Variants in CCNT2 observed in about 807,000 individuals in gnomAD.
CCNT2 encodes the protein cyclin-T2.
CCNT2 carries 18 observed loss-of-function variants against 70.0 expected under a neutral mutation model. The ratio of observed to expected loss-of-function variants is 0.26; its 90% CI spans 0.18 to 0.38. CCNT2 has a LOEUF of 0.38. Among genes scored for constraint, CCNT2 ranks in the 10% least tolerant of loss-of-function variants. CCNT2 has a pLI of 1.00. For missense variants in CCNT2, 734 were observed against 890.2 expected, an observed-to-expected ratio of 0.82 and a Z score of 2.23; for synonymous variants, 334 against 313.3, an observed-to-expected ratio of 1.07 and a Z score of -0.70.
chr2:134,958,304 A>G lies in CCNT2; in HGVS notation c.*3656A>G, dbSNP rs1240052973. ...TAAATTTAGGATGTCTTTGCTGAGA[A>G]TATTTGGAGGCTCTTGTTAGGAAGA... On this transcript the variant is annotated 3_prime_UTR_variant, in exon 9 of 9. Coordinates refer to ENST00000264157, the MANE Select transcript of CCNT2 (RefSeq NM_058241.3). 6.6e-6 allele frequency: 1 copy of G among 152,186 alleles called. No individual in the cohort carries two copies. The highest frequency in any genetic ancestry group is 1.5e-5 in the Non-Finnish European group (1 of 68,038). 9.4% of individuals were successfully genotyped at this position (152,186 alleles called of 1,614,324 possible). A position where few individuals can be genotyped will look rare whatever the true frequency, so the allele number is the denominator to read the frequency against.
intron 2 of CCNT2, among the ~76,000 whole-genome samples, chr2:134,921,693 C>T (rs762442110): frequency 3.3e-5 from 5 of 152,182 alleles, no homozygotes; most frequent in Non-Finnish European, 7.3e-5. Flanking sequence ...TATAATTTGT[C>T]TTTATGGCGT....
Position 134,947,734 on chromosome 2 carries a change from A to G in CCNT2, c.540-2A>G. 6.8e-7 allele frequency: 1 copy of G among 1,469,416 alleles called. No homozygotes were observed. Among genetic ancestry groups the G allele is most frequent in the South Asian group, 1.5e-5 (1 of 65,738 alleles). The allele number at this position is 1,469,416 out of a possible 1,614,324, so 91.0% of individuals were successfully genotyped here. On this transcript the variant is annotated splice_acceptor_variant, in intron 6 of 8. Coordinates refer to ENST00000264157, the MANE Select transcript of CCNT2 (RefSeq NM_058241.3). LOFTEE classifies it high-confidence loss of function. The stretch of plus-strand genomic sequence containing the variant: ...TCCATTTTCAAACCTGCTCTGCAAC[A>G]GTCTGCATCTTACAACCTTCTGTCT...
At chr2:134,919,103 G>C in intron 1 of CCNT2, 91 bp downstream of exon 1, 1 of 1,413,342 alleles carries the variant, frequency 7.1e-7, no homozygotes, top group South Asian at 1.4e-5. Context: ...CGCCGGCCTC[G>C]GCCTTCGCTG....
At chr2:134,939,752 C>A (rs1300874741) in intron 4 of CCNT2, among the ~76,000 whole-genome samples, 1 of 152,186 alleles carries the variant, frequency 6.6e-6, no homozygotes, top group Non-Finnish European at 1.5e-5. Context: ...AGGTGTGCGT[C>A]ACCACGCCCG....
chr2:134,935,337 C>A (rs1443448483), intron 2 of CCNT2, among the ~76,000 whole-genome samples: 1 of 152,206 alleles, frequency 6.6e-6, no homozygotes, highest in African/African-American at 2.4e-5. Context: ...AGGAAAACTT[C>A]TTAAAGTCAT....
chr2:134,953,474 G>A lies in CCNT2; in HGVS notation c.1019G>A (p.Ser340Asn). 7 of 1,614,130 alleles carry A rather than the reference G, an allele frequency of 4.3e-6. No individual in the cohort carries two copies. Among genetic ancestry groups the A allele is most frequent in the Non-Finnish European group, 5.9e-6 (7 of 1,179,992 alleles). ...TCAATGCTAGCAACAGGAATGCCAA[G>A]TACTTCATACGGTTTATCATCACAC... ...NLSMLATGMP[S>N]TSYGLSSHQE... is the part of the protein sequence containing the mutation. Residue 340 changes from serine (S) to asparagine (N), a missense_variant, in exon 9 of 9, where the codon AGT (serine) becomes AAT (asparagine). Ser to Asn is a conservative substitution (Grantham distance 46, BLOSUM62 1). Around this residue, in one of 3 missense-constraint regions of CCNT2, gnomAD observed 532 missense variants for 556.9 expected, o/e 0.96. Coordinates refer to ENST00000264157, the MANE Select transcript of CCNT2 (RefSeq NM_058241.3).
At chr2:134,949,792 AT>A (rs959098489) in intron 7 of CCNT2, among the ~76,000 whole-genome samples, 14 of 77,472 alleles carry the variant, frequency 1.8e-4, no homozygotes, top group Non-Finnish European at 2.5e-4. Context: ...GGTAGGCAAA[AT>A]TTTTTTTTCG....
intron 2 of CCNT2, among the ~76,000 whole-genome samples, chr2:134,923,643 C>T (rs899740392): frequency 6.6e-6 from 1 of 152,220 alleles, no homozygotes; most frequent in Admixed American, 6.5e-5. Flanking sequence ...TCCTTTTAAA[C>T]TATAAATTAC....
intron 2 of CCNT2, among the ~76,000 whole-genome samples, chr2:134,925,019 A>G (rs949552015): frequency 6.6e-6 from 1 of 152,154 alleles, no homozygotes; most frequent in African/African-American, 2.4e-5. Flanking sequence ...GCATTCCTGG[A>G]AAAATTGATG....
At chr2:134,931,558 G>T (rs973075288) in intron 2 of CCNT2, among the ~76,000 whole-genome samples, 4 of 151,996 alleles carry the variant, frequency 2.6e-5, no homozygotes, top group African/African-American at 9.7e-5. Flanking sequence ...GTATTTCCAT[G>T]TGAATTTTAG....
Position 134,955,461 on chromosome 2 carries a change from T to TA in CCNT2, c.*814dup, listed in dbSNP as rs1682872569. The TA allele has an allele frequency of 2.0e-5, 3 of 152,688 alleles. No homozygotes were observed. 9.5% of individuals were successfully genotyped at this position (152,688 alleles called of 1,614,324 possible). A position where few individuals can be genotyped will look rare whatever the true frequency, so the allele number is the denominator to read the frequency against. On this transcript the variant is annotated 3_prime_UTR_variant, in exon 9 of 9. Transcript: ENST00000264157. Reference sequence around the variant, plus strand: ...TGAAGAGGAAAAAATAAAGTTTACATACTCTTGATGTGAAGTGCATTTAAA... The same window carrying TA: ...TGAAGAGGAAAAAATAAAGTTTACATAACTCTTGATGTGAAGTGCATTTAAA...
intron 4 of CCNT2, among the ~76,000 whole-genome samples, chr2:134,940,482 A>G (rs551846279): frequency 2.7e-5 from 4 of 150,230 alleles, no homozygotes; most frequent in Non-Finnish European, 5.9e-5. Context: ...TAGGCACACA[A>G]ACAGACAATA....
chr2:134,952,996 G>T, intron 8 of CCNT2: 1 of 490,148 alleles, frequency 2.0e-6, no homozygotes, highest in Non-Finnish European at 3.6e-6. Context: ...TTTCTGAAGT[G>T]CTGGGCTAGG....
At chr2:134,938,908 T>C (rs574857560) in intron 3 of CCNT2, 94 bp from the exon 4 acceptor site, 14 of 752,712 alleles carry the variant, frequency 1.9e-5, no homozygotes, top group Non-Finnish European at 2.9e-5. Context: ...GGTTCTTTTG[T>C]AATCAACCTG....
intron 5 of CCNT2, chr2:134,945,791 A>G (rs1311151428): frequency 2.2e-6 from 3 of 1,374,114 alleles, no homozygotes; most frequent in Non-Finnish European, 1.9e-6. Context: ...ATCCAGGAGA[A>G]TGCTTTATTG....
At chr2:134,949,814 G>C (rs1682325401) in intron 7 of CCNT2, among the ~76,000 whole-genome samples, 1 of 117,012 alleles carries the variant, frequency 8.5e-6, no homozygotes, top group Admixed American at 9.2e-5. Flanking sequence ...GGGGGGGGGT[G>C]GGGGACAGAG....
chr2:134,952,667 T>C lies in CCNT2; in HGVS notation c.730T>C (p.Leu244=). ...GCTAACACATGAGTTTCTACAAATA[T>C]TGGAGAAAACGCCTAATAGGTTGAA... The part of the protein sequence containing the change: ...DELTHEFLQI[L]EKTPNRLKKI... The change falls in exon 8 of 9, where the codon TTG becomes CTG. Residue 244 remains leucine, a synonymous_variant. Coordinates refer to ENST00000264157, the MANE Select transcript of CCNT2 (RefSeq NM_058241.3). The C allele has an allele frequency of 1.2e-6, 2 of 1,601,168 alleles. No homozygotes were observed. The highest frequency in any genetic ancestry group is 1.1e-5 in the South Asian group (1 of 88,798).
rs1428528129 is a variant in CCNT2 at position 134,953,274 on chromosome 2, A to G, written c.819A>G (p.Ser273=). 1.2e-6 allele frequency: 2 copies of G among 1,614,002 alleles called. No homozygotes were observed. The highest frequency in any genetic ancestry group is 2.2e-5 in the South Asian group (2 of 91,068). Reference sequence around the variant, plus strand: ...AACCAAAAGTAGATGGACAGGTATCAGAGACACCACTTCTTGGTTCATCTT... The same window carrying G: ...AACCAAAAGTAGATGGACAGGTATCGGAGACACCACTTCTTGGTTCATCTT... ...ARKPKVDGQV[S]ETPLLGSSLV... is the part of the protein sequence containing the mutation. Residue 273 remains serine (S), a synonymous_variant, in exon 9 of 9, where the codon TCA becomes TCG. Transcript: ENST00000264157.
chr2:134,923,171 C>G lies in CCNT2; in HGVS notation c.240+3280C>G, dbSNP rs1483072627. Among the ~76,000 whole-genome samples the G allele has an allele frequency of 2.6e-5, 4 of 152,134 alleles. 1 individual carries two copies. Among genetic ancestry groups the G allele is most frequent in the Admixed American group, 2.6e-4 (4 of 15,262 alleles). On this transcript the variant is annotated intron_variant, in intron 2 of 8. Transcript: ENST00000264157. The stretch of plus-strand genomic sequence containing the variant: ...TGGCACGTGCCTGTAATCCCAGCTA[C>G]TGGGGAGGCTGAGGCAGGAGAATCA...
Sources: allele counts gnomAD v4.1 joint callset (sites outside exome capture counted in the v4.1 genomes callset), GRCh38; gene constraint gnomAD v4.1.1; regional missense constraint gnomAD v4.1.1; transcripts MANE v1.5; gene names NCBI Gene and HGNC (gene_info 2026-07-23, HGNC 2026-07-21).